The following SGCZ variants were observed in gnomAD, a reference collection of about 807,000 sequenced individuals.
SGCZ encodes sarcoglycan zeta.
A neutral mutation model predicts 41.3 loss-of-function variants in SGCZ; 40 were observed. That is an observed-to-expected ratio of 0.97 (90% CI 0.75 to 1.26). The LOEUF is 1.26. SGCZ is among the 50% of genes most tolerant of loss of function. SGCZ has a pLI of 0.00. For synonymous variants in SGCZ, 206 were observed against 137.5 expected (o/e 1.50, Z -3.49); for missense variants, 552 against 369.8 (o/e 1.49, Z -4.04).
chr8:14,731,944 T>C (rs1289450028), intron 1 of SGCZ, among the ~76,000 whole-genome samples: 2 of 152,174 alleles, frequency 1.3e-5, no homozygotes, highest in Non-Finnish European at 2.9e-5. Context: ...CACAAGACTC[T>C]TCCAGTCGAT....
At chr8:14,941,422 T>C (rs745875792) in intron 1 of SGCZ, among the ~76,000 whole-genome samples, 3 of 152,096 alleles carry the variant, frequency 2.0e-5, no homozygotes, top group African/African-American at 7.2e-5. Context: ...ACGTGGCTAT[T>C]TTAAAAGTGT....
At chr8:14,991,802 G>T in intron 1 of SGCZ, among the ~76,000 whole-genome samples, 1 of 149,878 alleles carries the variant, frequency 6.7e-6, no homozygotes, top group East Asian at 2.0e-4. Context: ...TGTTAATCTT[G>T]ATGTTTACCT....
At chr8:14,222,007 T>A (rs780225830) in intron 4 of SGCZ, among the ~76,000 whole-genome samples, 8 of 150,504 alleles carry the variant, frequency 5.3e-5, no homozygotes, top group South Asian at 4.2e-4. Flanking sequence ...CCAGGAGAGA[T>A]TGGAATAAAT....
chr8:14,210,655 C>T (rs866438242), intron 4 of SGCZ, among the ~76,000 whole-genome samples: 3 of 150,304 alleles, frequency 2.0e-5, no homozygotes, highest in Non-Finnish European at 3.0e-5. Flanking sequence ...TTAGTAGAGA[C>T]GGGGTTTCAT....
chr8:14,927,389 G>A (rs894565707), intron 1 of SGCZ, among the ~76,000 whole-genome samples: 3 of 152,062 alleles, frequency 2.0e-5, no homozygotes, highest in Admixed American at 6.5e-5. Context: ...GATTACAGGC[G>A]TGAGCCACCG....
At chr8:15,230,607 C>A (rs1023341427) in intron 1 of SGCZ, among the ~76,000 whole-genome samples, 1 of 152,074 alleles carries the variant, frequency 6.6e-6, no homozygotes, top group Non-Finnish European at 1.5e-5. Context: ...GATACAAAAA[C>A]GTCATTTTTG....
chr8:14,993,499 A>C (rs1042118090), intron 1 of SGCZ, among the ~76,000 whole-genome samples: 3 of 152,220 alleles, frequency 2.0e-5, no homozygotes, highest in African/African-American at 7.2e-5. Flanking sequence ...GAAGATGATG[A>C]GTGCTATGAA....
chr8:14,262,844 C>T (rs1222417207), intron 3 of SGCZ, among the ~76,000 whole-genome samples: 5 of 150,048 alleles, frequency 3.3e-5, no homozygotes, highest in Admixed American at 2.6e-4. Flanking sequence ...CAGCACAGAG[C>T]TTCTTGAATT....
intron 1 of SGCZ, among the ~76,000 whole-genome samples, chr8:14,901,950 T>A (rs1169791803): frequency 6.6e-6 from 1 of 152,128 alleles, no homozygotes; most frequent in Non-Finnish European, 1.5e-5. Flanking sequence ...ATGCTGACAG[T>A]CAGCCTTAGG....
intron 4 of SGCZ, among the ~76,000 whole-genome samples, chr8:14,227,385 T>C (rs1755616897): frequency 6.6e-6 from 1 of 152,082 alleles, no homozygotes; most frequent in South Asian, 2.1e-4. Context: ...ACTGATGGGT[T>C]TGTGAGCATG....
At chr8:14,537,047 T>C (rs1017478096) in intron 2 of SGCZ, among the ~76,000 whole-genome samples, 41 of 152,032 alleles carry the variant, frequency 2.7e-4, no homozygotes, top group African/African-American at 8.9e-4. Context: ...GGCAATGCAA[T>C]TGTTCCTGCT....
chr8:14,898,641 A>C (rs1332901713), intron 1 of SGCZ, among the ~76,000 whole-genome samples: 4 of 152,168 alleles, frequency 2.6e-5, no homozygotes, highest in Non-Finnish European at 4.4e-5. Flanking sequence ...ATAAGCGAGA[A>C]TCGAAAGGAT....
intron 1 of SGCZ, among the ~76,000 whole-genome samples, chr8:14,902,490 T>G (rs970308465): frequency 1.3e-5 from 2 of 152,128 alleles, no homozygotes; most frequent in Admixed American, 1.3e-4. Context: ...AAACTATGTG[T>G]TTAGGTATAT....
chr8:14,832,793 A>G (rs2130605666), intron 1 of SGCZ, among the ~76,000 whole-genome samples: 1 of 152,220 alleles, frequency 6.6e-6, no homozygotes, highest in South Asian at 2.1e-4. Flanking sequence ...AATTTCAGAG[A>G]CATAAATAAT....
At chr8:14,945,834 G>T (rs1418780691) in intron 1 of SGCZ, among the ~76,000 whole-genome samples, 1 of 150,296 alleles carries the variant, frequency 6.7e-6, no homozygotes, top group African/African-American at 2.4e-5. Context: ...ACCCCCTCAG[G>T]TTCTCACACC....
At chr8:14,460,597 G>T (rs1441781806) in intron 2 of SGCZ, among the ~76,000 whole-genome samples, 1 of 152,032 alleles carries the variant, frequency 6.6e-6, no homozygotes, top group Non-Finnish European at 1.5e-5. Context: ...AACAAGAAAT[G>T]TATCTAAAGA....
intron 6 of SGCZ, among the ~76,000 whole-genome samples, chr8:14,103,559 C>T (rs982660161): frequency 6.6e-6 from 1 of 152,102 alleles, no homozygotes; most frequent in Non-Finnish European, 1.5e-5. Context: ...GAGTTCAGCT[C>T]CCTCTCAGCA....
chr8:14,491,053 C>T (rs974100855), intron 2 of SGCZ, among the ~76,000 whole-genome samples: 1 of 152,186 alleles, frequency 6.6e-6, no homozygotes, highest in African/African-American at 2.4e-5. Flanking sequence ...TATGTTTCCT[C>T]ATTTTACTTG....
chr8:14,517,703 A>T (rs1232223341), intron 2 of SGCZ, among the ~76,000 whole-genome samples: 1 of 151,984 alleles, frequency 6.6e-6, no homozygotes, highest in Non-Finnish European at 1.5e-5. Context: ...ACGCATTTTT[A>T]GGGGATATTG....
Sources: gnomAD v4.1 joint callset for allele counts (sites outside exome capture counted in the v4.1 genomes callset) on GRCh38, gnomAD v4.1.1 for gene constraint, MANE v1.5 for transcripts, NCBI Gene and HGNC (gene_info 2026-07-23, HGNC 2026-07-21) for gene names.